The following CEP128 variants were observed in gnomAD, a reference collection of about 807,000 sequenced individuals.
The protein encoded by CEP128 is centrosomal protein 128.
A neutral mutation model predicts 156.7 loss-of-function variants in CEP128; 132 were observed. That is an observed-to-expected ratio of 0.84 (90% CI 0.73 to 0.97). The LOEUF (loss-of-function observed/expected upper bound fraction) is 0.97. Among genes scored for constraint, CEP128 ranks in the 50% least tolerant of loss-of-function variants. The pLI is 0.00. For missense variants in CEP128, 1,252 were observed against 1,281.9 expected (o/e 0.98, Z 0.36); for synonymous variants, 469 against 448.9 (o/e 1.04, Z -0.57).
At chr14:80,864,214 T>C (rs1057501357) in intron 8 of CEP128, among the ~76,000 whole-genome samples, 3 of 152,224 alleles carry the variant, frequency 2.0e-5, no homozygotes, top group African/African-American at 7.2e-5. Context: ...TAATTGACTA[T>C]GTTATTGTCA....
chr14:80,595,138 C>T (rs1372655690), intron 19 of CEP128, among the ~76,000 whole-genome samples: 2 of 152,178 alleles, frequency 1.3e-5, no homozygotes, highest in African/African-American at 2.4e-5. Context: ...GAATACTATG[C>T]AGCCATAAAA....
Position 80,925,882 on chromosome 14 carries a change from A to G in CEP128, c.-15-9320T>C, listed in dbSNP as rs1049005806. 2.0e-5 allele frequency among the ~76,000 whole-genome samples: 3 copies of G among 152,284 alleles called. No individual in the cohort carries two copies. The South Asian group carries it at 6.2e-4, about 32-fold the overall frequency. On this transcript the variant is annotated intron_variant, in intron 2 of 24. Transcript: ENST00000555265. The stretch of plus-strand genomic sequence containing the variant: ...ACTGGGGAGCCGAGCAATCCAGGCC[A>G]CAGGGGAACACCTTAACCCTACCTA...
At chr14:80,864,422 A>C (rs1383179363) in intron 8 of CEP128, among the ~76,000 whole-genome samples, 3 of 152,178 alleles carry the variant, frequency 2.0e-5, no homozygotes, top group Admixed American at 6.5e-5. Context: ...CTCTTATTAG[A>C]ATCCTATCAA....
chr14:80,546,321 T>C (rs1434474316), intron 21 of CEP128, among the ~76,000 whole-genome samples: 1 of 152,160 alleles, frequency 6.6e-6, no homozygotes, highest in East Asian at 1.9e-4. Context: ...AGAGGTTAAG[T>C]GAGTCGCCCA....
intron 8 of CEP128, among the ~76,000 whole-genome samples, chr14:80,885,923 A>G (rs12586860): frequency 0.022 from 3,310 of 152,276 alleles, 41 homozygotes; most frequent in Middle Eastern, 0.068. Flanking sequence ...ACCAGTTTAG[A>G]GAAGAACATA....
intron 21 of CEP128, among the ~76,000 whole-genome samples, chr14:80,542,994 AT>A (rs1181830721): frequency 3.3e-5 from 5 of 152,176 alleles, no homozygotes; most frequent in Admixed American, 3.3e-4. Flanking sequence ...TAAATTAATC[AT>A]TTTCCATTAC....
In CEP128 at chr14:80,591,702, C is replaced by T. The variant is rs143070396; in HGVS notation, c.2807-11279G>A. Reference sequence around the variant, plus strand: ...CTCCACTCCAAGTCAACAGAATGTACATTCTTCTTAGTACCACATCACACT... The same window carrying T: ...CTCCACTCCAAGTCAACAGAATGTATATTCTTCTTAGTACCACATCACACT... On this transcript the variant is annotated intron_variant, in intron 19 of 24. Transcript: ENST00000555265. 1.6e-3 allele frequency among the ~76,000 whole-genome samples: 247 copies of T among 152,290 alleles called. 1 individual carries two copies. Among genetic ancestry groups the T allele is most frequent in the African/African-American group, 5.7e-3 (237 of 41,566 alleles).
At position 80,497,372 on chromosome 14, in the gene CEP128, A is replaced by G; in HGVS notation, c.*107T>C. On this transcript the variant is annotated 3_prime_UTR_variant, in exon 25 of 25. Transcript: ENST00000555265. ...CAATGTTTGGCAATACCAAAGAGCC[A>G]AAGCTGCAGGTATGTCTGTTAGATA... The G allele has an allele frequency of 1.4e-6, 1 of 707,820 alleles. No homozygotes were observed. The highest frequency in any genetic ancestry group is 2.4e-6 in the Non-Finnish European group (1 of 420,170). 43.8% of individuals were successfully genotyped at this position (707,820 alleles called of 1,614,324 possible).
At chr14:80,955,943 C>T (rs1886652796) in intron 2 of CEP128, 2 of 1,472,124 alleles carry the variant, frequency 1.4e-6, no homozygotes, top group African/African-American at 1.4e-5. Flanking sequence ...AATAACAGCC[C>T]GAAGTAGTGT....
chr14:80,822,788 GC>G, intron 13 of CEP128: 1 of 753,256 alleles, frequency 1.3e-6, no homozygotes, highest in Non-Finnish European at 2.5e-6. Context: ...TGCTGGAGAC[GC>G]CAAGTGAAGT....
chr14:80,836,813 T>C (rs1354519421), intron 11 of CEP128, among the ~76,000 whole-genome samples: 1 of 152,222 alleles, frequency 6.6e-6, no homozygotes, highest in Non-Finnish European at 1.5e-5. Flanking sequence ...AGTCAGAAAC[T>C]GATTTGTTTA....
intron 19 of CEP128, among the ~76,000 whole-genome samples, chr14:80,673,645 C>CAAGA: frequency 2.3e-5 from 1 of 43,964 alleles, no homozygotes; most frequent in African/African-American, 1.2e-4. Flanking sequence ...GACTCCGTCT[C>CAAGA]AAAAAAAAAA....
intron 19 of CEP128, among the ~76,000 whole-genome samples, chr14:80,679,630 C>A (rs1248233580): frequency 1.3e-5 from 2 of 152,164 alleles, no homozygotes; most frequent in Non-Finnish European, 2.9e-5. Flanking sequence ...TAAACATAGA[C>A]CCTTATCAGG....
chr14:80,501,326 A>C (rs910255351), intron 24 of CEP128, among the ~76,000 whole-genome samples: 18 of 152,188 alleles, frequency 1.2e-4, no homozygotes, highest in African/African-American at 3.9e-4. Context: ...AAGGAGTGAC[A>C]GTCTTTATCT....
At chr14:80,753,911 T>TCC (rs1899512813) in intron 18 of CEP128, among the ~76,000 whole-genome samples, 1 of 152,218 alleles carries the variant, frequency 6.6e-6, no homozygotes, top group African/African-American at 2.4e-5. Flanking sequence ...TACTCCAGTC[T>TCC]GTCCTTTCCT....
chr14:80,818,333 A>G (rs905066429), intron 13 of CEP128, among the ~76,000 whole-genome samples: 1 of 152,234 alleles, frequency 6.6e-6, no homozygotes, highest in African/African-American at 2.4e-5. Flanking sequence ...AAATTCTTAT[A>G]TCCAGCAAAA....
rs117405486 is a variant in CEP128, at chr14:80,537,025, C to T, written c.2881-6139G>A. Among the ~76,000 whole-genome samples, 663 of 152,256 alleles carry T rather than the reference C, an allele frequency of 4.4e-3. 4 individuals are homozygous for T. Among genetic ancestry groups the T allele is most frequent in the African/African-American group, 0.015 (613 of 41,550 alleles). ...AAAGAGTTTTTGTCAACAACAAATT[C>T]TATTTGTCTTCATATAACACTATTG... On this transcript the variant is annotated intron_variant, in intron 21 of 24. Transcript: ENST00000555265.
Position 80,504,935 on chromosome 14 carries a change from C to T in CEP128, c.3158G>A (p.Ser1053Asn), listed in dbSNP as rs759907802. The change falls in exon 24 of 25, where the codon AGT becomes AAT. Residue 1053 changes from serine to asparagine, a missense_variant. Physicochemically the swap from Ser to Asn is conservative, Grantham distance 46. Transcript: ENST00000555265. ...ACAGTTCACGTATGAAAATCTTGGA[C>T]TAGACAGGAAGCGACTGTGATCCTG... ...SWQDHSRFLSSPRFSYVNSFT... is the reference protein window; with the variant it reads ...SWQDHSRFLSNPRFSYVNSFT... The T allele has an allele frequency of 3.1e-6, 5 of 1,591,140 alleles. No homozygotes were observed.
At chr14:80,821,600 T>TACACACAC (rs71103885) in intron 13 of CEP128, among the ~76,000 whole-genome samples, 2,322 of 145,178 alleles carry the variant, frequency 0.016, 22 homozygotes, top group Non-Finnish European at 0.024. Flanking sequence ...CATACACACA[T>TACACACAC]ACACACACAC....
Sources: gnomAD v4.1 joint callset for allele counts (sites outside exome capture counted in the v4.1 genomes callset) on GRCh38, gnomAD v4.1.1 for gene constraint, MANE v1.5 for transcripts, NCBI Gene and HGNC (gene_info 2026-07-23, HGNC 2026-07-21) for gene names.